Variants in ADAM7 observed in about 807,000 individuals in gnomAD.
ADAM7 encodes the protein disintegrin and metalloproteinase domain-containing protein 7.
ADAM7 carries 97 observed loss-of-function variants against 102.9 expected under a neutral mutation model. The observed-to-expected ratio is 0.94, with a 90% CI of 0.80 to 1.12. The LOEUF (loss-of-function observed/expected upper bound fraction) is 1.12, where lower values mean the gene tolerates loss of function less well. ADAM7 is among the 50% of genes most tolerant of loss of function. The pLI, the probability that ADAM7 is intolerant of heterozygous loss-of-function variation, is 0.00. For synonymous variants in ADAM7, 334 were observed against 304.4 expected (o/e 1.10, Z -1.01); for missense variants, 991 against 908.7 (o/e 1.09, Z -1.16).
intron 8 of ADAM7, among the ~76,000 whole-genome samples, chr8:24,476,984 CA>C (rs1173150092): frequency 6.6e-6 from 1 of 152,032 alleles, no homozygotes; most frequent in Non-Finnish European, 1.5e-5. Flanking sequence ...AATGGCAACA[CA>C]TTTTTTTTGC....
At chr8:24,447,906 CTTTGGT>C (rs1359839839) in intron 3 of ADAM7, among the ~76,000 whole-genome samples, 7 of 149,894 alleles carry the variant, frequency 4.7e-5, no homozygotes. Flanking sequence ...GGAATTGAGA[CTTTGGT>C]CTATTAGCTA....
Position 24,507,501 on chromosome 8 carries a change from A to G in ADAM7, c.2230A>G (p.Arg744Gly), listed in dbSNP as rs1247270929. 6.2e-7 allele frequency: 1 copy of G among 1,612,924 alleles called. No individual in the cohort carries two copies. Among genetic ancestry groups the G allele is most frequent in the Non-Finnish European group, 8.5e-7 (1 of 1,179,012 alleles). ...FLNKPASKDS[R>G]GIADPNQSAK ...ATAGAAACCTGCAAGTAAAGATTCAAGAGGAATCGCAGATCCCAATCAAAG... is the reference window on the plus strand; with the variant it reads ...ATAGAAACCTGCAAGTAAAGATTCAGGAGGAATCGCAGATCCCAATCAAAG... The change falls in exon 21 of 22, where the codon AGA becomes GGA. Residue 744 changes from arginine to glycine, a missense_variant. By Grantham distance (125) the Arg-to-Gly change is moderately radical. Transcript: ENST00000175238.
chr8:24,450,131 G>A (rs572590176), intron 3 of ADAM7, among the ~76,000 whole-genome samples: 345 of 152,112 alleles, frequency 2.3e-3, no homozygotes, highest in African/African-American at 7.2e-3. Context: ...TTGGCGATGC[G>A]GGCTCTTTTT....
intron 1 of ADAM7, among the ~76,000 whole-genome samples, chr8:24,442,131 G>A (rs1427317791): frequency 3.3e-5 from 5 of 151,750 alleles, no homozygotes; most frequent in South Asian, 2.1e-4. Flanking sequence ...CCGAGATCAC[G>A]CCACTACACT....
intron 9 of ADAM7, 39 bp from the exon 10 acceptor site, chr8:24,485,238 T>A: frequency 1.9e-6 from 3 of 1,560,138 alleles, no homozygotes; most frequent in Non-Finnish European, 8.8e-7. Flanking sequence ...ATTAAACTAC[T>A]AACTCAGATT....
chr8:24,460,290 C>A (rs1237704195), intron 3 of ADAM7, among the ~76,000 whole-genome samples: 1 of 151,842 alleles, frequency 6.6e-6, no homozygotes, highest in East Asian at 1.9e-4. Flanking sequence ...TTAATGCCTT[C>A]TAATAATCTC....
chr8:24,446,635 A>G (rs765383614), intron 2 of ADAM7, among the ~76,000 whole-genome samples: 20 of 152,152 alleles, frequency 1.3e-4, no homozygotes, highest in Middle Eastern at 3.4e-3. Context: ...TAAAAAATTT[A>G]TTAAAATAGG....
At chr8:24,490,994 G>A in intron 13 of ADAM7, 106 bp downstream of exon 13, 1 of 1,117,384 alleles carries the variant, frequency 8.9e-7, no homozygotes. Flanking sequence ...ACTCCAAAAT[G>A]AAGCTAGGCT....
chr8:24,507,350 T>A (rs1392122184), intron 20 of ADAM7, 130 bp from the exon 21 acceptor site: 5 of 656,770 alleles, frequency 7.6e-6, no homozygotes, highest in Non-Finnish European at 1.3e-5. Flanking sequence ...GGATTTTTCA[T>A]GGAGCAAGCA....
chr8:24,444,689 A>AC (rs1818488162), intron 2 of ADAM7, among the ~76,000 whole-genome samples: 1 of 152,066 alleles, frequency 6.6e-6, no homozygotes, highest in South Asian at 2.1e-4. Flanking sequence ...CGTAAAAAAA[A>AC]AAACACAAAA....
intron 3 of ADAM7, among the ~76,000 whole-genome samples, chr8:24,456,748 A>G (rs1425900842): frequency 6.6e-6 from 1 of 151,750 alleles, no homozygotes; most frequent in African/African-American, 2.4e-5. Flanking sequence ...GCATACTGAT[A>G]TTGAGATTCA....
At chr8:24,473,392 G>A (rs906092341) in intron 7 of ADAM7, among the ~76,000 whole-genome samples, 2 of 152,084 alleles carry the variant, frequency 1.3e-5, no homozygotes, top group Non-Finnish European at 2.9e-5. Flanking sequence ...GTGATATTGG[G>A]TTTCAGCTGG....
intron 7 of ADAM7, 86 bp downstream of exon 7, chr8:24,468,906 A>C: frequency 7.8e-7 from 1 of 1,280,198 alleles, no homozygotes; most frequent in Non-Finnish European, 1.1e-6. Flanking sequence ...AAGGTATTCT[A>C]ATCAGAGTTC....
intron 9 of ADAM7, among the ~76,000 whole-genome samples, chr8:24,483,247 G>A (rs1488366443): frequency 1.3e-5 from 2 of 152,112 alleles, no homozygotes; most frequent in Non-Finnish European, 2.9e-5. Context: ...AGAGGAAAAG[G>A]ATAAGTAATT....
rs777987045 is a variant in ADAM7, at chr8:24,482,244, C to A, written c.808C>A (p.Arg270Ser). The change falls in exon 9 of 22, where the codon CGT becomes AGT. Residue 270 changes from arginine (R) to serine (S), a missense_variant. By Grantham distance (110) the Arg-to-Ser change is moderately radical. Transcript: ENST00000175238. ...TTCAAATATAGAAACTACCTTATTG[C>A]GTTTTTCATTTTGGCAAGAAAAGAT... The part of the protein sequence containing the change: ...LYSNIETTLL[R>S]FSFWQEKILK... 1.9e-6 allele frequency: 3 copies of A among 1,610,910 alleles called. No homozygotes were observed. Among genetic ancestry groups the A allele is most frequent in the South Asian group, 2.2e-5 (2 of 90,088 alleles).
At chr8:24,461,681 C>G (rs193087613) in intron 3 of ADAM7, among the ~76,000 whole-genome samples, 5 of 151,858 alleles carry the variant, frequency 3.3e-5, no homozygotes, top group Admixed American at 3.3e-4. Flanking sequence ...CTCTGAAGCT[C>G]TTTTTTTTCT....
chr8:24,507,768 G>C (rs1038151119), intron 21 of ADAM7, among the ~76,000 whole-genome samples: 1 of 151,916 alleles, frequency 6.6e-6, no homozygotes, highest in Non-Finnish European at 1.5e-5. Flanking sequence ...GAGCAATCCA[G>C]AATTCAACAG....
At chr8:24,498,096 A>G (rs1392209016) in intron 16 of ADAM7, among the ~76,000 whole-genome samples, 1 of 151,984 alleles carries the variant, frequency 6.6e-6, no homozygotes, top group Non-Finnish European at 1.5e-5. Context: ...GAGAGAAATA[A>G]ATTTAAATTT....
At chr8:24,474,734 A>C (rs1189170086) in intron 7 of ADAM7, among the ~76,000 whole-genome samples, 1 of 151,992 alleles carries the variant, frequency 6.6e-6, no homozygotes. Flanking sequence ...TGACAAAAAG[A>C]AAAGAAAAAA....
Sources: gnomAD v4.1 joint callset for allele counts (sites outside exome capture counted in the v4.1 genomes callset) on GRCh38, gnomAD v4.1.1 for gene constraint, MANE v1.5 for transcripts, NCBI Gene and HGNC (gene_info 2026-07-23, HGNC 2026-07-21) for gene names.